KMT2C: variants seen among roughly 807,000 people sequenced by gnomAD.
The protein encoded by KMT2C is histone-lysine N-methyltransferase 2C.
Under a neutral mutation model 507.9 loss-of-function variants are expected in KMT2C, and 88 were observed. The ratio of observed to expected loss-of-function variants is 0.17; its 90% confidence interval spans 0.15 to 0.21. The LOEUF is 0.21. Among genes scored for constraint, KMT2C ranks in the 10% least tolerant of loss-of-function variants. The probability of loss-of-function intolerance (pLI) is 1.00; values close to 1 mark genes in which losing one functional copy is unlikely to be tolerated. For missense variants in KMT2C, 4,954 were observed against 5,957.8 expected (o/e 0.83, Z 5.55); for synonymous variants, 2,049 against 2,080.8 (o/e 0.98, Z 0.42).
chr7:152,244,192 T>C (rs2095432350), intron 14 of KMT2C, among the ~76,000 whole-genome samples: 4 of 152,240 alleles, frequency 2.6e-5, no homozygotes, highest in Admixed American at 2.6e-4. Context: ...GTAAGACAAG[T>C]AGCACATTTC....
intron 6 of KMT2C, among the ~76,000 whole-genome samples, chr7:152,303,259 T>C (rs760274258): frequency 1.3e-5 from 2 of 152,222 alleles, no homozygotes; most frequent in Non-Finnish European, 2.9e-5. Context: ...TTACTTTAAA[T>C]ATATTAATTT....
At position 152,136,891 on chromosome 7, in the gene KMT2C, C is replaced by A; in HGVS notation, c.14677G>T (p.Asp4893Tyr). The A allele has an allele frequency of 6.2e-7, 1 of 1,613,382 alleles. No homozygotes were observed. Among genetic ancestry groups the A allele is most frequent in the South Asian group, 1.1e-5 (1 of 91,040 alleles). The change falls in exon 59 of 59, where the codon GAC (aspartate) becomes TAC (tyrosine). Residue 4893 changes from aspartate to tyrosine, a missense_variant. Asp to Tyr is a radical substitution (Grantham distance 160). This residue lies in a region of KMT2C where 133 missense variants were observed against 258.9 expected (regional missense o/e 0.51). Coordinates refer to ENST00000262189, the MANE Select transcript of KMT2C (RefSeq NM_170606.3). ...CYDYKFDFED[D>Y]QHKIPCHCGA... is the part of the protein sequence containing the mutation. The stretch of plus-strand genomic sequence containing the variant: ...CAGTGACACGGAATCTTGTGCTGGT[C>A]ATCTTCAAAGTCAAACTTATAGTCA...
At chr7:152,335,025 G>A (rs1343405585) in intron 2 of KMT2C, among the ~76,000 whole-genome samples, 1 of 152,116 alleles carries the variant, frequency 6.6e-6, no homozygotes, top group Non-Finnish European at 1.5e-5. Flanking sequence ...TGATAATGGA[G>A]TCTGAAAATC....
At chr7:152,243,175 G>A (rs1467802812) in intron 14 of KMT2C, among the ~76,000 whole-genome samples, 12 of 152,156 alleles carry the variant, frequency 7.9e-5, no homozygotes, top group African/African-American at 2.4e-4. Flanking sequence ...GATAACTACA[G>A]AAACAGCTAT....
At position 152,138,860 on chromosome 7, in the gene KMT2C, A is replaced by G. The variant is rs768445944; in HGVS notation, c.14579T>C (p.Val4860Ala). 4.3e-6 allele frequency: 7 copies of G among 1,613,378 alleles called. No homozygotes were observed. The highest frequency in any genetic ancestry group is 1.3e-5 in the African/African-American group (1 of 74,888). The change falls in exon 58 of 59, where the codon GTG becomes GCG. Residue 4860 changes from valine to alanine, a missense_variant. Val to Ala is a moderately conservative substitution (Grantham distance 64). Transcript: ENST00000262189. The surrounding 1 kb of genome is among the most constrained non-coding windows in gnomAD (Gnocchi z 4.2). Reference sequence around the variant, plus strand: ...AATTTTGTGTCCTCTCTCAAAAGTCACCACTTCAGCCACACAATTAGGTGC... The same window carrying G: ...AATTTTGTGTCCTCTCTCAAAAGTCGCCACTTCAGCCACACAATTAGGTGC... ...SCAPNCVAEV[V>A]TFERGHKIII...
intron 1 of KMT2C, among the ~76,000 whole-genome samples, chr7:152,369,475 A>T (rs570683959): frequency 4.6e-5 from 7 of 152,294 alleles, no homozygotes; most frequent in Admixed American, 4.6e-4. Context: ...CACACAAAAA[A>T]ATGACTACTA....
chr7:152,299,328 A>G (rs547635721), intron 6 of KMT2C, among the ~76,000 whole-genome samples: 2 of 150,314 alleles, frequency 1.3e-5, no homozygotes, highest in South Asian at 2.1e-4. Context: ...AAAAATAAAT[A>G]AATAAATAAA....
chr7:152,250,875 G>A lies in KMT2C; in HGVS notation c.1713C>T (p.Ser571=), dbSNP rs1384197766. ...AANKDVNGQE[S]TPGIVPDAVQ... is the part of the protein sequence containing the mutation. ...TACCATCTGGAACAATTCCAGGAGT[G>A]GACTCCTGACCGTTGACATCTTTAT... The change falls in exon 12 of 59, where the codon TCC becomes TCT. Residue 571 remains serine (S), a synonymous_variant. Transcript: ENST00000262189. 8.2e-6 allele frequency: 13 copies of A among 1,590,370 alleles called. No individual in the cohort carries two copies. Among genetic ancestry groups the A allele is most frequent in the South Asian group, 2.2e-5 (2 of 90,528 alleles).
chr7:152,144,545 A>G lies in KMT2C; in HGVS notation c.14343+168T>C, dbSNP rs1448725457. Among the ~76,000 whole-genome samples, 1 of 152,220 alleles carries G rather than the reference A, an allele frequency of 6.6e-6. No homozygotes were observed. The highest frequency in any genetic ancestry group is 1.5e-5 in the Non-Finnish European group (1 of 68,036). On this transcript the variant is annotated intron_variant, in intron 55 of 58. Transcript: ENST00000262189. The surrounding 1 kb of genome is among the most constrained non-coding windows in gnomAD (Gnocchi z 4.4). ...GCCAATCACCAAGTCCCAAGACTAC[A>G]TATTAAATCCCTAGTGTTACCAAGG... is the stretch of plus-strand genomic sequence containing the variant.
At chr7:152,387,198 T>A (rs1257674916) in intron 1 of KMT2C, among the ~76,000 whole-genome samples, 3 of 149,048 alleles carry the variant, frequency 2.0e-5, no homozygotes, top group Non-Finnish European at 4.4e-5. Context: ...AACTTTTTAA[T>A]TAAATATTAA....
Position 152,154,422 on chromosome 7 carries a change from C to T in KMT2C, c.11984G>A (p.Arg3995Gln), listed in dbSNP as rs1471172646. Residue 3995 changes from arginine (R) to glutamine (Q), a missense_variant, in exon 47 of 59, where the codon CGA (arginine) becomes CAA (glutamine). Physicochemically the swap from Arg to Gln is conservative, Grantham distance 43. Around this residue, in one of 29 missense-constraint regions of KMT2C, gnomAD observed 104 missense variants for 134.3 expected, o/e 0.77. Coordinates refer to ENST00000262189, the MANE Select transcript of KMT2C (RefSeq NM_170606.3). ...GGGAACAAAACTGTCAGGAGTATCT[C>T]GATCACCACAGTGATCCTGTATCCT... ...ELRIQDHCGD[R>Q]DTPDSFVPSS... The T allele has an allele frequency of 1.2e-6, 2 of 1,613,648 alleles. No homozygotes were observed. Among genetic ancestry groups the T allele is most frequent in the Admixed American group, 1.7e-5 (1 of 60,006 alleles).
At chr7:152,244,270 T>C (rs2095433769) in intron 14 of KMT2C, among the ~76,000 whole-genome samples, 1 of 152,222 alleles carries the variant, frequency 6.6e-6, no homozygotes, top group Non-Finnish European at 1.5e-5. Context: ...TTAATTGGTC[T>C]AGGGTAGGGC....
rs750890229 is a variant in KMT2C, at chr7:152,176,794, C to T, written c.8659G>A (p.Ala2887Thr). The stretch of plus-strand genomic sequence containing the variant: ...TGAATGACATTTGCACTGGGGCCAG[C>T]AGTTTCTCGATTGGTTCTTTTCTCA... ...LFEKRTNRET[A>T]GPSANVIQAS... Residue 2887 changes from alanine (A) to threonine (T), a missense_variant, in exon 38 of 59, where the codon GCT becomes ACT. Transcript: ENST00000262189. 2 of 1,614,178 alleles carry T rather than the reference C, an allele frequency of 1.2e-6. No individual in the cohort carries two copies. Among genetic ancestry groups the T allele is most frequent in the Admixed American group, 3.3e-5 (2 of 60,034 alleles).
intron 12 of KMT2C, among the ~76,000 whole-genome samples, 160 bp downstream of exon 12, chr7:152,250,693 A>G (rs933358600): frequency 2.6e-5 from 4 of 152,190 alleles, no homozygotes; most frequent in Non-Finnish European, 5.9e-5. Context: ...AAATACACGC[A>G]TGTCCTTTCT....
chr7:152,373,785 A>C (rs1468497518), intron 1 of KMT2C, among the ~76,000 whole-genome samples: 3 of 152,208 alleles, frequency 2.0e-5, no homozygotes, highest in Non-Finnish European at 2.9e-5. Flanking sequence ...AGATATCAAC[A>C]ACAAAGTTAC....
intron 2 of KMT2C, among the ~76,000 whole-genome samples, chr7:152,340,355 A>G (rs759548645): frequency 1.3e-5 from 2 of 152,068 alleles, no homozygotes; most frequent in Admixed American, 6.6e-5. Flanking sequence ...AATACTTTTC[A>G]TGCTTGCTTC....
In KMT2C at chr7:152,155,900, T is replaced by C. The variant is rs752669182; in HGVS notation, c.11960+10A>G. The C allele has an allele frequency of 6.3e-7, 1 of 1,580,338 alleles. No individual in the cohort carries two copies. Among genetic ancestry groups the C allele is most frequent in the Non-Finnish European group, 8.5e-7 (1 of 1,172,060 alleles). ...AACTAAGAATTATTTGAGAAAAAAA[T>C]AACCTGTACCTTAATTCTTCCTGAT... is the stretch of plus-strand genomic sequence containing the variant. On this transcript the variant is annotated intron_variant, in intron 46 of 58. Transcript: ENST00000262189.
intron 1 of KMT2C, among the ~76,000 whole-genome samples, chr7:152,385,021 T>A (rs2097410756): frequency 6.6e-6 from 1 of 152,080 alleles, no homozygotes; most frequent in African/African-American, 2.4e-5. Flanking sequence ...ATTTTGTGCC[T>A]CCTGATGAAA....
In KMT2C at chr7:152,152,262, G is replaced by C. The variant is rs532736676; in HGVS notation, c.12526+443C>G. ...GGGCATGAACACCTCTGTGGGAAGA[G>C]AAGGGCCCTATAGAGCTGGTGCAGA... On this transcript the variant is annotated intron_variant, in intron 49 of 58. Coordinates refer to ENST00000262189, the MANE Select transcript of KMT2C (RefSeq NM_170606.3). Among the ~76,000 whole-genome samples, 31 of 152,346 alleles carry C rather than the reference G, an allele frequency of 2.0e-4. 1 individual carries two copies. The highest frequency in any genetic ancestry group is 7.2e-4 in the African/African-American group (30 of 41,592).
Sources: allele counts gnomAD v4.1 joint callset (sites outside exome capture counted in the v4.1 genomes callset), GRCh38; gene constraint gnomAD v4.1.1; regional missense constraint gnomAD v4.1.1; non-coding constraint Gnocchi (gnomAD v3.1); transcripts MANE v1.5; gene names NCBI Gene and HGNC (gene_info 2026-07-23, HGNC 2026-07-21).